RYR3: variants seen among roughly 807,000 people sequenced by gnomAD.
RYR3 encodes the protein brain ryanodine receptor-calcium release channel.
Under a neutral mutation model 584.3 loss-of-function variants are expected in RYR3, and 207 were observed. The observed-to-expected ratio is 0.35, with a 90% CI of 0.32 to 0.40. The LOEUF is 0.40. Among genes scored for constraint, RYR3 ranks in the 10% least tolerant of loss-of-function variants. The pLI is 1.00. For synonymous variants in RYR3, 2,416 were observed against 2,248.5 expected, an observed-to-expected ratio of 1.07 and a Z score of -2.11; for missense variants, 5,616 against 6,089.2, an observed-to-expected ratio of 0.92 and a Z score of 2.59.
intron 1 of RYR3, among the ~76,000 whole-genome samples, chr15:33,321,602 G>A (rs1968973601): frequency 6.6e-6 from 1 of 152,150 alleles, no homozygotes; most frequent in Non-Finnish European, 1.5e-5. Flanking sequence ...CCTTGTTTTT[G>A]ATTAGTTTGG....
chr15:33,856,229 AG>A (rs1478671234), intron 98 of RYR3: 1 of 152,178 alleles, frequency 6.6e-6, no homozygotes, highest in Non-Finnish European at 1.5e-5. Flanking sequence ...GCTTTCTGTG[AG>A]GTCTGCTCTC....
chr15:33,526,676 AAC>A (rs2054419203), intron 3 of RYR3, among the ~76,000 whole-genome samples: 4 of 152,070 alleles, frequency 2.6e-5, no homozygotes, highest in Non-Finnish European at 5.9e-5. Flanking sequence ...ATGAAACCAA[AAC>A]ACCACCTCCC....
intron 36 of RYR3, 135 bp from the exon 37 acceptor site, chr15:33,669,219 C>G: frequency 9.3e-6 from 5 of 536,628 alleles, no homozygotes; most frequent in Non-Finnish European, 1.6e-5. Context: ...AAATATTGGC[C>G]ACTTTTACCA....
intron 16 of RYR3, among the ~76,000 whole-genome samples, chr15:33,598,730 TC>T (rs2152546153): frequency 6.7e-6 from 1 of 149,070 alleles, no homozygotes; most frequent in South Asian, 2.1e-4. Flanking sequence ...AAACTTGCCT[TC>T]CTGTTGGAAG....
At chr15:33,342,655 C>T (rs1188378187) in intron 1 of RYR3, among the ~76,000 whole-genome samples, 1 of 152,012 alleles carries the variant, frequency 6.6e-6, no homozygotes, top group Non-Finnish European at 1.5e-5. Context: ...AGTTTTCTAC[C>T]TCAAAATCCT....
chr15:33,620,343 C>T (rs1296690661), intron 19 of RYR3, among the ~76,000 whole-genome samples: 1 of 152,128 alleles, frequency 6.6e-6, no homozygotes, highest in African/African-American at 2.4e-5. Flanking sequence ...ACGCTTCTCC[C>T]TTTCTCCCTA....
At chr15:33,384,518 A>C (rs1197451128) in intron 1 of RYR3, among the ~76,000 whole-genome samples, 1 of 146,614 alleles carries the variant, frequency 6.8e-6, no homozygotes, top group Non-Finnish European at 1.5e-5. Context: ...TTAATTAATA[A>C]TATAATAATA....
intron 92 of RYR3, 171 bp from the exon 93 acceptor site, chr15:33,844,691 A>G: frequency 1.6e-6 from 1 of 617,168 alleles, no homozygotes; most frequent in African/African-American, 1.8e-5. Context: ...ATTATTAGAG[A>G]TACTGGGTGA....
chr15:33,332,310 G>T (rs1332533882), intron 1 of RYR3, among the ~76,000 whole-genome samples: 1 of 152,020 alleles, frequency 6.6e-6, no homozygotes, highest in Non-Finnish European at 1.5e-5. Flanking sequence ...TGTTTAATTG[G>T]CATGCGTCTG....
At chr15:33,732,813 T>A (rs781761522) in intron 48 of RYR3, among the ~76,000 whole-genome samples, 1 of 152,180 alleles carries the variant, frequency 6.6e-6, no homozygotes. Flanking sequence ...TTCCAATATG[T>A]AGTCCAGATT....
In RYR3 at chr15:33,617,286, C is replaced by A. The variant is rs573344889; in HGVS notation, c.2357+3911C>A. Among the ~76,000 whole-genome samples, 39 of 152,064 alleles carry A rather than the reference C, an allele frequency of 2.6e-4. 1 individual carries two copies. The South Asian group carries it at 7.5e-3, about 29-fold the overall frequency. ...AATTAGCTGGGCGTGGTGGCAGGCG[C>A]CTGTAGTCCCAGCTACTTGGGAGGC... On this transcript the variant is annotated intron_variant, in intron 19 of 103. Coordinates refer to ENST00000634891, the MANE Select transcript of RYR3 (RefSeq NM_001036.6).
Position 33,736,393 on chromosome 15 carries a change from T to G in RYR3, c.7515+68T>G, listed in dbSNP as rs972342624. On this transcript the variant is annotated intron_variant, in intron 49 of 103. Transcript: ENST00000634891. Reference sequence around the variant, plus strand: ...GAAACTTGCCTTGTAATATGTGATGTCTTCACAATTTAGAAGGAAAAATAC... The same window carrying G: ...GAAACTTGCCTTGTAATATGTGATGGCTTCACAATTTAGAAGGAAAAATAC... The G allele has an allele frequency of 5.7e-6, 6 of 1,045,526 alleles. No homozygotes were observed. The Middle Eastern group carries it at 7.9e-4, about 139-fold the overall frequency. The allele number at this position is 1,045,526 out of a possible 1,614,324, so 64.8% of individuals were successfully genotyped here.
intron 49 of RYR3, among the ~76,000 whole-genome samples, chr15:33,736,720 T>A (rs1223807201): frequency 1.3e-5 from 2 of 152,132 alleles, no homozygotes; most frequent in Non-Finnish European, 2.9e-5. Context: ...TTTTCTTCTT[T>A]GTAAGAAATC....
intron 3 of RYR3, among the ~76,000 whole-genome samples, chr15:33,524,754 T>G (rs937528746): frequency 6.6e-6 from 1 of 152,236 alleles, no homozygotes; most frequent in Admixed American, 6.5e-5. Flanking sequence ...CTTTCATTAC[T>G]AGAAAAGATA....
At chr15:33,794,101 TATAA>T (rs1385731640) in intron 67 of RYR3, among the ~76,000 whole-genome samples, 8 of 133,252 alleles carry the variant, frequency 6.0e-5, no homozygotes, top group East Asian at 2.0e-4. Flanking sequence ...ATATATATTA[TATAA>T]ATATAATATA....
Position 33,628,481 on chromosome 15 carries a change from C to T in RYR3, c.2585C>T (p.Pro862Leu). ...CTCCTTTTCCTTTAGGTTATTTTGC[C>T]ACCTCACCTAGAAAAGATCCGAGAC... The part of the protein sequence containing the change: ...CPVDTSQVIL[P>L]PHLEKIRDRL... Residue 862 changes from proline (P) to leucine (L), a missense_variant, in exon 21 of 104, where the codon CCA (proline) becomes CTA (leucine). By Grantham distance (98) the Pro-to-Leu change is moderately conservative. Coordinates refer to ENST00000634891, the MANE Select transcript of RYR3 (RefSeq NM_001036.6). 1 of 1,608,626 alleles carries T rather than the reference C, an allele frequency of 6.2e-7. No homozygotes were observed. Among genetic ancestry groups the T allele is most frequent in the South Asian group, 1.1e-5 (1 of 90,902 alleles).
intron 2 of RYR3, among the ~76,000 whole-genome samples, chr15:33,485,332 A>G (rs2050317451): frequency 6.6e-6 from 1 of 152,240 alleles, no homozygotes; most frequent in Non-Finnish European, 1.5e-5. Context: ...CATCTCTGAA[A>G]GAGAATGATG....
chr15:33,329,448 A>G (rs1299326731), intron 1 of RYR3, among the ~76,000 whole-genome samples: 1 of 152,218 alleles, frequency 6.6e-6, no homozygotes, highest in Non-Finnish European at 1.5e-5. Flanking sequence ...CCGATGATCT[A>G]TGTAGGGTTT....
intron 1 of RYR3, among the ~76,000 whole-genome samples, chr15:33,408,960 G>A (rs114031958): frequency 1.3e-5 from 2 of 152,290 alleles, no homozygotes; most frequent in African/African-American, 4.8e-5. Flanking sequence ...TCTGTCAGAG[G>A]GGAAGTAACA....
Sources: allele counts gnomAD v4.1 joint callset (sites outside exome capture counted in the v4.1 genomes callset), GRCh38; gene constraint gnomAD v4.1.1; transcripts MANE v1.5; gene names NCBI Gene and HGNC (gene_info 2026-07-23, HGNC 2026-07-21).